MLC1: variants seen among roughly 807,000 people sequenced by gnomAD.
MLC1 encodes the protein modulator of VRAC current 1, also known as membrane protein MLC1.
In MLC1, 32 loss-of-function variants were observed where a neutral mutation model predicts 44.7. That is an observed-to-expected ratio of 0.72 (90% CI 0.54 to 0.96). The LOEUF (loss-of-function observed/expected upper bound fraction) is 0.96. MLC1 is among the 40% of genes least tolerant of loss of function. The pLI, the probability that MLC1 is intolerant of heterozygous loss-of-function variation, is 0.00. For missense variants in MLC1, 459 were observed against 492.2 expected, an observed-to-expected ratio of 0.93 and a Z score of 0.64; for synonymous variants, 190 against 213.0, an observed-to-expected ratio of 0.89 and a Z score of 0.94.
intron 7 of MLC1, among the ~76,000 whole-genome samples, chr22:50,075,885 G>T (rs577828034): frequency 6.6e-6 from 1 of 152,266 alleles, no homozygotes; most frequent in Admixed American, 6.5e-5. Flanking sequence ...TCACAAGCTA[G>T]ACAACAAGGC....
chr22:50,061,783 G>T, intron 11 of MLC1, 126 bp from the exon 12 acceptor site: 1 of 848,024 alleles, frequency 1.2e-6, no homozygotes, highest in Non-Finnish European at 2.0e-6. Context: ...TGTGAAGGAA[G>T]TGGGGAAACT....
intron 3 of MLC1, among the ~76,000 whole-genome samples, chr22:50,082,075 T>C (rs1328237242): frequency 6.6e-6 from 1 of 152,130 alleles, no homozygotes; most frequent in East Asian, 1.9e-4. Context: ...TCACCAACAG[T>C]GTCCCTAGAG....
intron 9 of MLC1, 101 bp from the exon 10 acceptor site, chr22:50,068,656 T>A: frequency 7.7e-7 from 1 of 1,301,222 alleles, no homozygotes; most frequent in South Asian, 1.2e-5. Flanking sequence ...CGGGCACTCA[T>A]GGGCATAGTC....
At chr22:50,080,146 C>A (rs1264549163) in intron 4 of MLC1, 127 bp from the exon 5 acceptor site, 23 of 1,005,202 alleles carry the variant, frequency 2.3e-5, no homozygotes, top group Non-Finnish European at 3.4e-5. Flanking sequence ...GGGAGTCCTG[C>A]GTGCTCAGCC....
chr22:50,064,846 C>T (rs2061670099), intron 10 of MLC1, among the ~76,000 whole-genome samples: 1 of 151,996 alleles, frequency 6.6e-6, no homozygotes, highest in South Asian at 2.1e-4. Flanking sequence ...AATGTTAACA[C>T]ACAAAAGAGC....
chr22:50,080,253 C>A lies in MLC1; in HGVS notation c.321+91G>T, dbSNP rs866910935. 3.5e-6 allele frequency: 5 copies of A among 1,442,632 alleles called. No individual in the cohort carries two copies. In the African/African-American group the frequency reaches 5.6e-5, roughly 16 times the overall value. The allele number at this position is 1,442,632 out of a possible 1,614,324, so 89.4% of individuals were successfully genotyped here. A position where few individuals can be genotyped will look rare whatever the true frequency, so the allele number is the denominator to read the frequency against. On this transcript the variant is annotated intron_variant, in intron 4 of 11. Coordinates refer to ENST00000311597, the MANE Select transcript of MLC1 (RefSeq NM_015166.4). ...CCCTCTCGGTGCCACAACGTCTGTG[C>A]GTGGGCACACACACAAGCACACATG... is the stretch of plus-strand genomic sequence containing the variant.
At chr22:50,069,845 T>G (rs2061806002) in intron 9 of MLC1, among the ~76,000 whole-genome samples, 2 of 152,078 alleles carry the variant, frequency 1.3e-5, no homozygotes, top group Admixed American at 1.3e-4. Flanking sequence ...TGCAAAGCAC[T>G]CAGGGTCCAC....
At chr22:50,080,641 C>T (rs2146910405) in intron 3 of MLC1, among the ~76,000 whole-genome samples, 1 of 152,156 alleles carries the variant, frequency 6.6e-6, no homozygotes, top group East Asian at 1.9e-4. Flanking sequence ...CTCAAATGAT[C>T]TGTTCACCTC....
intron 6 of MLC1, 54 bp from the exon 7 acceptor site, chr22:50,076,966 T>A: frequency 8.7e-6 from 14 of 1,600,412 alleles, no homozygotes; most frequent in African/African-American, 1.3e-5. Context: ...GACTCAGCAC[T>A]GCCGCTGGCA....
chr22:50,075,298 G>A (rs2061953037), intron 7 of MLC1, among the ~76,000 whole-genome samples: 1 of 152,324 alleles, frequency 6.6e-6, no homozygotes, highest in South Asian at 2.1e-4. Flanking sequence ...CAAACACAGA[G>A]CTGTGGCCAG....
chr22:50,078,270 C>T, intron 5 of MLC1, among the ~76,000 whole-genome samples: 1 of 151,656 alleles, frequency 6.6e-6, no homozygotes, highest in South Asian at 2.1e-4. Context: ...AGATTACAGG[C>T]GTGAGCCACC....
chr22:50,062,535 A>T lies in MLC1; in HGVS notation c.1060-878T>A, dbSNP rs571454362. Among the ~76,000 whole-genome samples the T allele has an allele frequency of 1.5e-4, 22 of 151,600 alleles. No homozygotes were observed. In the South Asian group the frequency reaches 4.4e-3, roughly 31 times the overall value. ...GCAGGTTAAGGGAACAGCAGTAGGG[A>T]GGGTGGAGGGTGGGGGCGACGGGGT... On this transcript the variant is annotated intron_variant, in intron 11 of 11. Coordinates refer to ENST00000311597, the MANE Select transcript of MLC1 (RefSeq NM_015166.4).
intron 10 of MLC1, among the ~76,000 whole-genome samples, chr22:50,065,170 C>T (rs1476852744): frequency 1.2e-4 from 19 of 152,150 alleles, no homozygotes; most frequent in Admixed American, 1.2e-3. Flanking sequence ...CTGCCTGCTT[C>T]GGCCTCCCAA....
Position 50,083,050 on chromosome 22 carries a change from G to A in MLC1, c.267+34C>T. The A allele has an allele frequency of 6.3e-7, 1 of 1,597,992 alleles. No individual in the cohort carries two copies. ...AACCAGAGCACGTGCCGGCGAGCTT[G>A]GGCACTGGCAGAGGCGTGGAGGAAG... On this transcript the variant is annotated intron_variant, in intron 3 of 11. Transcript: ENST00000311597. This position sits in a 1 kb window ranked among gnomAD's most constrained non-coding sequence, Gnocchi z 4.6.
At chr22:50,077,571 C>A in intron 5 of MLC1, 69 bp from the exon 6 acceptor site, 2 of 1,297,562 alleles carry the variant, frequency 1.5e-6, no homozygotes, top group Non-Finnish European at 2.2e-6. Context: ...CAGCGTCCAC[C>A]GGACCACCTC....
rs1409847653 is a variant in MLC1 at position 50,085,376 on chromosome 22, G to C, written c.-81C>G. The C allele has an allele frequency of 8.5e-6, 2 of 233,948 alleles. No individual in the cohort carries two copies. Among genetic ancestry groups the C allele is most frequent in the African/African-American group, 2.3e-5 (1 of 43,806 alleles). The allele number at this position is 233,948 out of a possible 1,614,324, so 14.5% of individuals were successfully genotyped here. On this transcript the variant is annotated 5_prime_UTR_variant, in exon 1 of 12. Coordinates refer to ENST00000311597, the MANE Select transcript of MLC1 (RefSeq NM_015166.4). ...TTACCTCCCCCGCTGCTCTGCCGTT[G>C]GGAGCACTGGTCTCTGGGTGAGGGA...
intron 11 of MLC1, 119 bp from the exon 12 acceptor site, chr22:50,061,776 G>T (rs1275227941): frequency 1.4e-5 from 13 of 914,298 alleles, no homozygotes; most frequent in Non-Finnish European, 2.3e-5. Context: ...CTTCGAATGT[G>T]AAGGAAGTGG....
chr22:50,072,484 G>T (rs2061876997), intron 8 of MLC1, among the ~76,000 whole-genome samples: 1 of 152,206 alleles, frequency 6.6e-6, no homozygotes, highest in Admixed American at 6.5e-5. Context: ...GAGTGTGGGT[G>T]GATTTAGGGG....
rs929293430 is a variant in MLC1 at position 50,059,885 on chromosome 22, A to G, written c.*1698T>C. The G allele has an allele frequency of 6.6e-6, 1 of 152,256 alleles. No individual in the cohort carries two copies. The highest frequency in any genetic ancestry group is 1.5e-5 in the Non-Finnish European group (1 of 68,056). 9.4% of individuals were successfully genotyped at this position (152,256 alleles called of 1,614,324 possible). On this transcript the variant is annotated 3_prime_UTR_variant, in exon 12 of 12. Coordinates refer to ENST00000311597, the MANE Select transcript of MLC1 (RefSeq NM_015166.4). ...GGTGTCTTGCCTGCATCCCCCTTCAATGGTTGAAAATAATGATTCCACTTG... is the reference window on the plus strand; with the variant it reads ...GGTGTCTTGCCTGCATCCCCCTTCAGTGGTTGAAAATAATGATTCCACTTG...
Sources: gnomAD v4.1 joint callset for allele counts (sites outside exome capture counted in the v4.1 genomes callset) on GRCh38, gnomAD v4.1.1 for gene constraint, Gnocchi (gnomAD v3.1) non-coding constraint, MANE v1.5 for transcripts, NCBI Gene and HGNC (gene_info 2026-07-23, HGNC 2026-07-21) for gene names.